Variants in GALNT17 observed in about 807,000 individuals in gnomAD.
GALNT17 encodes polypeptide N-acetylgalactosaminyltransferase 17, also known as UDP-GalNAc:polypeptide N-acetylgalactosaminyltransferase-like 3.
GALNT17 carries 29 observed loss-of-function variants against 63.7 expected under a neutral mutation model. The ratio of observed to expected loss-of-function variants is 0.46; its 90% CI spans 0.34 to 0.62. The LOEUF (loss-of-function observed/expected upper bound fraction) is 0.62. GALNT17 is among the 20% of genes least tolerant of loss of function. The pLI is 0.01. For synonymous variants in GALNT17, 305 were observed against 318.3 expected, an observed-to-expected ratio of 0.96 and a Z score of 0.45; for missense variants, 603 against 799.6, an observed-to-expected ratio of 0.75 and a Z score of 2.97.
chr7:71,364,576 T>A (rs1187939026), intron 2 of GALNT17, among the ~76,000 whole-genome samples: 4 of 152,206 alleles, frequency 2.6e-5, no homozygotes, highest in African/African-American at 9.7e-5. Flanking sequence ...GATGTGTGAC[T>A]AAATATTTTT....
intron 2 of GALNT17, among the ~76,000 whole-genome samples, chr7:71,376,579 CTGTCTGT>C (rs1563046919): frequency 6.9e-6 from 1 of 145,202 alleles, no homozygotes; most frequent in African/African-American, 2.8e-5. Context: ...GTGTGTGTGT[CTGTCTGT>C]GTGTCTTTTC....
At chr7:71,376,425 GTTTTTTTTTTTTTTTT>G (rs57171551) in intron 2 of GALNT17, among the ~76,000 whole-genome samples, 1 of 63,338 alleles carries the variant, frequency 1.6e-5, no homozygotes, top group Non-Finnish European at 2.7e-5. Context: ...GTTTGGAGTT[GTTTTTTTTTTTTTTTT>G]TTTTTTTTTT....
chr7:71,545,612 A>G (rs574627511), intron 5 of GALNT17, among the ~76,000 whole-genome samples: 1 of 152,308 alleles, frequency 6.6e-6, no homozygotes, highest in Admixed American at 6.5e-5. Context: ...TTGGCCTCCC[A>G]AAGTGCTGGG....
At chr7:71,364,536 G>A (rs1792465616) in intron 2 of GALNT17, among the ~76,000 whole-genome samples, 1 of 152,228 alleles carries the variant, frequency 6.6e-6, no homozygotes, top group Admixed American at 6.5e-5. Flanking sequence ...GGACCAGTGA[G>A]GAAAGTAGAA....
intron 2 of GALNT17, among the ~76,000 whole-genome samples, chr7:71,375,395 G>A (rs1186166399): frequency 6.6e-6 from 1 of 152,022 alleles, no homozygotes; most frequent in African/African-American, 2.4e-5. Flanking sequence ...AGGTTGGAGG[G>A]TGAGACATTG....
At chr7:71,477,397 G>A (rs1787742421) in intron 5 of GALNT17, among the ~76,000 whole-genome samples, 1 of 152,194 alleles carries the variant, frequency 6.6e-6, no homozygotes, top group African/African-American at 2.4e-5. Context: ...TAAGATGTTA[G>A]CAGTGGAAGA....
chr7:71,228,461 C>T (rs905871060), intron 1 of GALNT17, among the ~76,000 whole-genome samples: 1 of 152,156 alleles, frequency 6.6e-6, no homozygotes, highest in African/African-American at 2.4e-5. Flanking sequence ...GGCCTTCAAA[C>T]AACAGAAATG....
chr7:71,150,146 C>G (rs1250915776), intron 1 of GALNT17, among the ~76,000 whole-genome samples: 1 of 152,150 alleles, frequency 6.6e-6, no homozygotes, highest in Non-Finnish European at 1.5e-5. Flanking sequence ...ATCTGTGCCA[C>G]AGACCTAGGT....
intron 1 of GALNT17, among the ~76,000 whole-genome samples, chr7:71,162,263 G>A (rs1788363198): frequency 6.6e-6 from 1 of 151,750 alleles, no homozygotes; most frequent in Non-Finnish European, 1.5e-5. Context: ...TAAAGGAAAG[G>A]TAAATAAATA....
Position 71,531,247 on chromosome 7 carries a change from T to G in GALNT17, c.963-40038T>G, listed in dbSNP as rs1396009365. ...ATTATGCATCAATTAAAAATAATAG[T>G]AAAAGCAAAAAAAAAGTATTTACCT... On this transcript the variant is annotated intron_variant, in intron 5 of 10. Coordinates refer to ENST00000333538, the MANE Select transcript of GALNT17 (RefSeq NM_022479.3). Among the ~76,000 whole-genome samples the G allele has an allele frequency of 2.0e-5, 3 of 151,996 alleles. No individual in the cohort carries two copies. The South Asian group carries it at 6.2e-4, about 32-fold the overall frequency.
At chr7:71,289,026 T>C (rs1252053182) in intron 1 of GALNT17, among the ~76,000 whole-genome samples, 1 of 152,198 alleles carries the variant, frequency 6.6e-6, no homozygotes, top group Non-Finnish European at 1.5e-5. Flanking sequence ...ACTGGACTCC[T>C]GATATCTTTT....
At chr7:71,529,616 G>C (rs1788681478) in intron 5 of GALNT17, among the ~76,000 whole-genome samples, 1 of 152,226 alleles carries the variant, frequency 6.6e-6, no homozygotes, top group Non-Finnish European at 1.5e-5. Context: ...GCAGTGAAAT[G>C]TGTACAGACA....
chr7:71,592,138 A>G lies in GALNT17; in HGVS notation c.1080+20736A>G, dbSNP rs574053232. Among the ~76,000 whole-genome samples the G allele has an allele frequency of 5.3e-5, 8 of 152,168 alleles. 2 individuals carry two copies. The South Asian group carries it at 1.0e-3, about 20-fold the overall frequency. ...GGGAAGAGTCTGAATTATCACTTGA[A>G]GGAGGAGATGCCATGAGCAGGAAGG... On this transcript the variant is annotated intron_variant, in intron 6 of 10. Transcript: ENST00000333538.
At chr7:71,404,744 ATTG>A (rs1793298358) in intron 3 of GALNT17, among the ~76,000 whole-genome samples, 1 of 152,074 alleles carries the variant, frequency 6.6e-6, no homozygotes, top group Non-Finnish European at 1.5e-5. Context: ...GCTTCATTGT[ATTG>A]TTTAGAAGAG....
intron 9 of GALNT17, among the ~76,000 whole-genome samples, chr7:71,692,231 T>G (rs916876444): frequency 6.6e-6 from 1 of 152,138 alleles, no homozygotes; most frequent in African/African-American, 2.4e-5. Context: ...GGCCCTTCTT[T>G]TTTACTGAAG....
chr7:71,684,623 A>G lies in GALNT17; in HGVS notation c.1500+7317A>G, dbSNP rs150656136. On this transcript the variant is annotated intron_variant, in intron 9 of 10. Transcript: ENST00000333538. Reference sequence around the variant, plus strand: ...TTTGGTGACATGTTTAATCCTTCCAACTACTCTGTCTGGTAAATAGTAACC... The same window carrying G: ...TTTGGTGACATGTTTAATCCTTCCAGCTACTCTGTCTGGTAAATAGTAACC... Among the ~76,000 whole-genome samples, 650 of 152,192 alleles carry G rather than the reference A, an allele frequency of 4.3e-3. 21 individuals are homozygous for G. Among genetic ancestry groups the G allele is most frequent in the Admixed American group, 0.029 (449 of 15,264 alleles).
At chr7:71,580,403 A>ATT (rs1789617597) in intron 6 of GALNT17, among the ~76,000 whole-genome samples, 12 of 97,460 alleles carry the variant, frequency 1.2e-4, no homozygotes, top group African/African-American at 6.3e-4. Context: ...GATGGATGAT[A>ATT]GATAGATAGA....
chr7:71,476,398 C>G (rs886265392), intron 5 of GALNT17, among the ~76,000 whole-genome samples: 1 of 151,446 alleles, frequency 6.6e-6, no homozygotes, highest in Non-Finnish European at 1.5e-5. Flanking sequence ...TTTCAGTGAA[C>G]GAATATCCCG....
chr7:71,277,856 C>T (rs189090458), intron 1 of GALNT17, among the ~76,000 whole-genome samples: 7 of 152,256 alleles, frequency 4.6e-5, no homozygotes, highest in East Asian at 1.9e-4. Flanking sequence ...GTGCCATGGG[C>T]GGTCACCCGT....
Sources: allele counts gnomAD v4.1 joint callset (sites outside exome capture counted in the v4.1 genomes callset), GRCh38; gene constraint gnomAD v4.1.1; transcripts MANE v1.5; gene names NCBI Gene and HGNC (gene_info 2026-07-23, HGNC 2026-07-21).